TBCA: variants seen among roughly 807,000 people sequenced by gnomAD.
TBCA encodes the protein tubulin-specific chaperone A.
A neutral mutation model predicts 15.8 loss-of-function variants in TBCA; 6 were observed. The observed-to-expected ratio is 0.38, with a 90% CI of 0.21 to 0.75. The LOEUF is 0.75. Among genes scored for constraint, TBCA ranks in the 30% least tolerant of loss-of-function variants. The pLI, the probability that TBCA is intolerant of heterozygous loss-of-function variation, is 0.46. For missense variants in TBCA, 90 were observed against 131.2 expected, an observed-to-expected ratio of 0.69 and a Z score of 1.53; for synonymous variants, 32 against 42.3, an observed-to-expected ratio of 0.76 and a Z score of 0.94.
intron 1 of TBCA, among the ~76,000 whole-genome samples, chr5:77,714,411 T>C (rs1013339891): frequency 6.6e-6 from 1 of 152,114 alleles, no homozygotes; most frequent in Non-Finnish European, 1.5e-5. Context: ...AAGAATCAGA[T>C]TGACTTACAC....
At chr5:77,752,847 C>T (rs1314507986) in intron 1 of TBCA, among the ~76,000 whole-genome samples, 4 of 47,878 alleles carry the variant, frequency 8.4e-5, no homozygotes, top group Non-Finnish European at 2.0e-4. Context: ...CGTGAGCCAC[C>T]GCGCCCGGCC....
In TBCA at chr5:77,708,282, A is replaced by G. The variant is rs1400969357; in HGVS notation, c.119T>C (p.Met40Thr). ...ATAATTTTCACCGTCTTCAGCTCTC[A>G]TTTTTTCAATCTTTTCTTCTTGTTG... ...AKQQEEKIEK[M>T]RAEDGENYDI... Residue 40 changes from methionine (M) to threonine (T), a missense_variant, in exon 2 of 4, where the codon ATG becomes ACG. Physicochemically the swap from Met to Thr is moderately conservative, Grantham distance 81. Coordinates refer to ENST00000380377, the MANE Select transcript of TBCA (RefSeq NM_004607.3). 1 of 1,611,016 alleles carries G rather than the reference A, an allele frequency of 6.2e-7. No homozygotes were observed. Among genetic ancestry groups the G allele is most frequent in the African/African-American group, 1.3e-5 (1 of 74,634 alleles).
intron 1 of TBCA, among the ~76,000 whole-genome samples, chr5:77,744,659 C>G (rs901357836): frequency 6.6e-6 from 1 of 151,490 alleles, no homozygotes; most frequent in Non-Finnish European, 1.5e-5. Flanking sequence ...CCTCAGCCCC[C>G]CAAGCAGCTG....
chr5:77,775,820 C>T (rs1404719119), intron 1 of TBCA, among the ~76,000 whole-genome samples: 3 of 152,226 alleles, frequency 2.0e-5, no homozygotes, highest in Admixed American at 1.3e-4. Context: ...CAGCTGGGAT[C>T]CCGCTTCCCC....
rs552207304 is a variant in TBCA at position 77,760,408 on chromosome 5, CCTCCTTTCCT to C, written c.53+15787_53+15796del. Among the ~76,000 whole-genome samples the C allele has an allele frequency of 9.7e-4, 147 of 151,922 alleles. 1 individual carries two copies. Among genetic ancestry groups the C allele is most frequent in the African/African-American group, 1.7e-3 (69 of 41,440 alleles). ...CCTCCTTTTTCCTTTCCTTTCCTTT[CCTCCTTTCCT>C]CTCCTTTCCTCTCCTTTCTTTCTTT... On this transcript the variant is annotated intron_variant, in intron 1 of 3. Transcript: ENST00000380377.
intron 1 of TBCA, among the ~76,000 whole-genome samples, chr5:77,753,902 G>A (rs931680725): frequency 1.3e-5 from 2 of 152,042 alleles, no homozygotes; most frequent in East Asian, 3.9e-4. Flanking sequence ...GGGATTACAG[G>A]CATGCACCAC....
Position 77,760,492 on chromosome 5 carries a change from G to A in TBCA, c.53+15713C>T, listed in dbSNP as rs775974094. Among the ~76,000 whole-genome samples, 149 of 151,826 alleles carry A rather than the reference G, an allele frequency of 9.8e-4. 1 individual carries two copies. Among genetic ancestry groups the A allele is most frequent in the Non-Finnish European group, 4.9e-4 (33 of 67,998 alleles). On this transcript the variant is annotated intron_variant, in intron 1 of 3. Coordinates refer to ENST00000380377, the MANE Select transcript of TBCA (RefSeq NM_004607.3). ...GGCTGGACTGTACTGCCGTGATCTC[G>A]GCTCACTGCAACCTCCCGGCCTCGG...
chr5:77,767,421 G>T (rs188547581), intron 1 of TBCA, among the ~76,000 whole-genome samples: 64 of 152,206 alleles, frequency 4.2e-4, no homozygotes, highest in African/African-American at 1.4e-3. Context: ...CACTAGAATT[G>T]TAAGAATGTC....
chr5:77,773,338 GT>G (rs10589730), intron 1 of TBCA, among the ~76,000 whole-genome samples: 27,065 of 151,352 alleles, frequency 0.18, 2,653 homozygotes, highest in African/African-American at 0.25. Flanking sequence ...CTTTAGACAA[GT>G]TTTTTTTTTC....
intron 2 of TBCA, among the ~76,000 whole-genome samples, chr5:77,695,199 A>G (rs1445084863): frequency 1.3e-5 from 2 of 152,224 alleles, no homozygotes; most frequent in African/African-American, 4.8e-5. Context: ...AGACAATGCC[A>G]TCCAAAAATA....
Position 77,744,232 on chromosome 5 carries a change from T to C in TBCA, c.53+31973A>G, listed in dbSNP as rs1747116666. On this transcript the variant is annotated intron_variant, in intron 1 of 3. Coordinates refer to ENST00000380377, the MANE Select transcript of TBCA (RefSeq NM_004607.3). ...TAAGCCTTCCCTAATCCTAGAATAG[T>C]AGTTCTCAACATGGGCAATTGTGAC... 2.6e-5 allele frequency among the ~76,000 whole-genome samples: 4 copies of C among 152,120 alleles called. No individual in the cohort carries two copies. In the South Asian group the frequency reaches 8.3e-4, roughly 32 times the overall value.
At chr5:77,701,726 T>TATATATATATATA (rs1580092886) in intron 2 of TBCA, among the ~76,000 whole-genome samples, 1 of 128,368 alleles carries the variant, frequency 7.8e-6, no homozygotes, top group Non-Finnish European at 1.6e-5. Context: ...TATATATATA[T>TATATATATATATA]GATGGAATAC....
chr5:77,767,148 G>C (rs1232348352), intron 1 of TBCA, among the ~76,000 whole-genome samples: 1 of 152,170 alleles, frequency 6.6e-6, no homozygotes, highest in Non-Finnish European at 1.5e-5. Context: ...AAATTTCATA[G>C]AGTACAAATG....
chr5:77,755,257 C>T (rs920658592), intron 1 of TBCA, among the ~76,000 whole-genome samples: 4 of 152,138 alleles, frequency 2.6e-5, no homozygotes, highest in Non-Finnish European at 5.9e-5. Context: ...CTGACTCTTC[C>T]TCAATGTAAT....
intron 2 of TBCA, among the ~76,000 whole-genome samples, chr5:77,696,290 G>C (rs1745869518): frequency 6.6e-6 from 1 of 152,170 alleles, no homozygotes. Flanking sequence ...GTAATCCAGA[G>C]ATTACTGGAA....
intron 1 of TBCA, among the ~76,000 whole-genome samples, chr5:77,759,620 C>T (rs567619065): frequency 6.6e-6 from 1 of 152,268 alleles, no homozygotes; most frequent in Admixed American, 6.5e-5. Context: ...ATAATCCAAG[C>T]ATTTTCCAAT....
At chr5:77,705,928 A>T (rs528483943) in intron 2 of TBCA, among the ~76,000 whole-genome samples, 63 of 152,274 alleles carry the variant, frequency 4.1e-4, no homozygotes, top group African/African-American at 1.4e-3. Flanking sequence ...CTGACACACA[A>T]ATGTCTTTTA....
intron 1 of TBCA, among the ~76,000 whole-genome samples, chr5:77,737,265 T>TA (rs990067614): frequency 6.6e-6 from 1 of 152,110 alleles, no homozygotes; most frequent in East Asian, 1.9e-4. Flanking sequence ...AGCTTTTGTT[T>TA]AAAAAAACAA....
At chr5:77,768,129 A>C (rs569408608) in intron 1 of TBCA, among the ~76,000 whole-genome samples, 1 of 152,342 alleles carries the variant, frequency 6.6e-6, no homozygotes, top group African/African-American at 2.4e-5. Context: ...CTGGAACTAT[A>C]AGAAATAAAT....
Sources: gnomAD v4.1 joint callset for allele counts (sites outside exome capture counted in the v4.1 genomes callset) on GRCh38, gnomAD v4.1.1 for gene constraint, MANE v1.5 for transcripts, NCBI Gene and HGNC (gene_info 2026-07-23, HGNC 2026-07-21) for gene names.